Variants in PHACTR1 observed in about 807,000 individuals in gnomAD.
PHACTR1 encodes the protein phosphatase and actin regulator 1.
PHACTR1 carries 16 observed loss-of-function variants against 69.2 expected under a neutral mutation model. The observed-to-expected ratio is 0.23, with a 90% CI of 0.16 to 0.35. The LOEUF (loss-of-function observed/expected upper bound fraction) is 0.35. PHACTR1 is among the 10% of genes least tolerant of loss of function. The pLI, the probability that PHACTR1 is intolerant of heterozygous loss-of-function variation, is 1.00. For synonymous variants in PHACTR1, 312 were observed against 284.5 expected, an observed-to-expected ratio of 1.10 and a Z score of -0.97; for missense variants, 510 against 734.7, an observed-to-expected ratio of 0.69 and a Z score of 3.54.
At chr6:12,966,224 C>G (rs987406452) in intron 4 of PHACTR1, among the ~76,000 whole-genome samples, 1 of 152,096 alleles carries the variant, frequency 6.6e-6, no homozygotes, top group Non-Finnish European at 1.5e-5. Flanking sequence ...TGGGGGCAGA[C>G]GGGCCAGCTG....
chr6:12,916,154 G>A (rs1021907584), intron 4 of PHACTR1, among the ~76,000 whole-genome samples: 4 of 152,072 alleles, frequency 2.6e-5, no homozygotes, highest in African/African-American at 4.8e-5. Flanking sequence ...AACTTAAAAC[G>A]AAACAAAACC....
At chr6:12,848,147 C>G (rs1779474011) in intron 4 of PHACTR1, among the ~76,000 whole-genome samples, 1 of 152,118 alleles carries the variant, frequency 6.6e-6, no homozygotes, top group African/African-American at 2.4e-5. Flanking sequence ...CCATCCATAA[C>G]TAGGCTAGAT....
At chr6:12,928,375 C>T (rs9395229) in intron 4 of PHACTR1, among the ~76,000 whole-genome samples, 25,068 of 152,098 alleles carry the variant, frequency 0.16, 4,690 homozygotes, top group African/African-American at 0.46. Context: ...TTCATCCCAC[C>T]ACCTACGAAC....
At chr6:12,785,648 A>T (rs1771451523) in intron 4 of PHACTR1, among the ~76,000 whole-genome samples, 1 of 152,226 alleles carries the variant, frequency 6.6e-6, no homozygotes, top group African/African-American at 2.4e-5. Context: ...GAGGTTTCTT[A>T]GAAACTGGAC....
At chr6:13,023,316 G>A (rs949641016) in intron 4 of PHACTR1, among the ~76,000 whole-genome samples, 10 of 152,120 alleles carry the variant, frequency 6.6e-5, no homozygotes, top group African/African-American at 2.2e-4. Context: ...GCTTCAGGCT[G>A]GCACATGTTA....
chr6:12,729,153 G>C (rs953481102), intron 3 of PHACTR1, among the ~76,000 whole-genome samples: 1 of 152,030 alleles, frequency 6.6e-6, no homozygotes, highest in Non-Finnish European at 1.5e-5. Flanking sequence ...ATTTCTTTCC[G>C]ATTCAAATTT....
At chr6:13,089,506 T>C (rs898234667) in intron 5 of PHACTR1, among the ~76,000 whole-genome samples, 5 of 152,214 alleles carry the variant, frequency 3.3e-5, no homozygotes, top group African/African-American at 1.2e-4. Context: ...TGACTCAATA[T>C]GCTATCATCA....
chr6:12,835,970 T>TA (rs201377931), intron 4 of PHACTR1, among the ~76,000 whole-genome samples: 4 of 151,692 alleles, frequency 2.6e-5, no homozygotes, highest in Admixed American at 6.6e-5. Context: ...GAAACAAAAA[T>TA]AAAAAAAAAT....
At chr6:12,909,462 T>C (rs1046229524) in intron 4 of PHACTR1, among the ~76,000 whole-genome samples, 7 of 152,240 alleles carry the variant, frequency 4.6e-5, no homozygotes, top group African/African-American at 1.4e-4. Flanking sequence ...GCGGGAGTAA[T>C]TGGTTTTAAA....
At chr6:12,731,075 G>A (rs1012623622) in intron 3 of PHACTR1, among the ~76,000 whole-genome samples, 17 of 151,288 alleles carry the variant, frequency 1.1e-4, no homozygotes, top group African/African-American at 3.9e-4. Flanking sequence ...GAGTGCAGTG[G>A]CACGATATTG....
chr6:12,904,521 C>T (rs1050377054), intron 4 of PHACTR1, among the ~76,000 whole-genome samples: 9 of 129,812 alleles, frequency 6.9e-5, no homozygotes, highest in Non-Finnish European at 8.1e-5. Context: ...GCAGCAAGAG[C>T]AAAACTCCAT....
chr6:13,281,881 G>A (rs1780336087), intron 12 of PHACTR1, among the ~76,000 whole-genome samples: 1 of 152,208 alleles, frequency 6.6e-6, no homozygotes. Flanking sequence ...AGCCAAGGGA[G>A]GCCTACATGC....
At chr6:13,197,224 G>A (rs1166504572) in intron 7 of PHACTR1, among the ~76,000 whole-genome samples, 4 of 152,112 alleles carry the variant, frequency 2.6e-5, no homozygotes, top group Non-Finnish European at 5.9e-5. Flanking sequence ...TTATACTCAG[G>A]CCTTCTGCTG....
chr6:13,004,713 C>T (rs960743244), intron 4 of PHACTR1, among the ~76,000 whole-genome samples: 3 of 152,134 alleles, frequency 2.0e-5, no homozygotes, highest in African/African-American at 4.8e-5. Flanking sequence ...CTCCCCTTGC[C>T]TCTTTCTTAT....
At chr6:12,741,593 C>A (rs1186576623) in intron 3 of PHACTR1, among the ~76,000 whole-genome samples, 1 of 152,028 alleles carries the variant, frequency 6.6e-6, no homozygotes, top group East Asian at 1.9e-4. Context: ...TTTGTAGATT[C>A]TGTATGCTTT....
intron 4 of PHACTR1, among the ~76,000 whole-genome samples, chr6:12,841,502 G>T (rs1275494203): frequency 6.6e-6 from 1 of 152,142 alleles, no homozygotes. Context: ...TTATACAAAT[G>T]AATTGAGCAT....
intron 4 of PHACTR1, among the ~76,000 whole-genome samples, chr6:12,770,524 A>G (rs1429715385): frequency 2.0e-5 from 3 of 152,224 alleles, no homozygotes; most frequent in African/African-American, 4.8e-5. Flanking sequence ...GTGGAGGGAC[A>G]TGGAGGAGGA....
At chr6:12,767,635 A>T (rs1275476112) in intron 4 of PHACTR1, among the ~76,000 whole-genome samples, 4 of 152,180 alleles carry the variant, frequency 2.6e-5, no homozygotes, top group African/African-American at 9.7e-5. Flanking sequence ...TACACCAAGA[A>T]ACCAGATTAG....
chr6:12,942,012 C>A (rs1041960224), intron 4 of PHACTR1, among the ~76,000 whole-genome samples: 5 of 152,192 alleles, frequency 3.3e-5, no homozygotes, highest in African/African-American at 1.2e-4. Flanking sequence ...AATGGCTCAT[C>A]AATTCCCCCA....
Sources: allele counts gnomAD v4.1 joint callset (sites outside exome capture counted in the v4.1 genomes callset), GRCh38; gene constraint gnomAD v4.1.1; transcripts MANE v1.5; gene names NCBI Gene and HGNC (gene_info 2026-07-23, HGNC 2026-07-21).